The following SNTG1 variants were observed in gnomAD, a reference collection of about 807,000 sequenced individuals.
The protein encoded by SNTG1 is syntrophin gamma 1.
SNTG1 carries 39 observed loss-of-function variants against 74.7 expected under a neutral mutation model. The ratio of observed to expected loss-of-function variants is 0.52; its 90% confidence interval spans 0.40 to 0.68. The LOEUF (loss-of-function observed/expected upper bound fraction) is 0.68, where lower values mean the gene tolerates loss of function less well. Ranked by LOEUF, SNTG1 falls within the 30% of genes least tolerant of loss-of-function variation. The probability of loss-of-function intolerance (pLI) is 0.00; values close to 1 mark genes in which losing one functional copy is unlikely to be tolerated. For synonymous variants in SNTG1, 254 were observed against 217.1 expected (o/e 1.17, Z -1.49); for missense variants, 685 against 609.5 (o/e 1.12, Z -1.30).
rs1807446910 is a variant in SNTG1 at position 49,930,280 on chromosome 8, G to T, written c.-103+18049G>T. Among the ~76,000 whole-genome samples, 8 of 151,402 alleles carry T rather than the reference G, an allele frequency of 5.3e-5. No homozygotes were observed. In the South Asian group the frequency reaches 1.5e-3, roughly 28 times the overall value. ...AGGAATAGTAAAAAAAATCATTCTT[G>T]GTGCCTTTTTTACATTTATATCAGT... On this transcript the variant is annotated intron_variant, in intron 1 of 18. Coordinates refer to ENST00000642720, the MANE Select transcript of SNTG1 (RefSeq NM_018967.5).
intron 17 of SNTG1, among the ~76,000 whole-genome samples, chr8:50,737,772 C>T (rs575856699): frequency 6.1e-4 from 93 of 152,134 alleles, no homozygotes; most frequent in African/African-American, 2.1e-3. Flanking sequence ...AATCAATAAA[C>T]GTAATCCATC....
At chr8:50,693,029 C>T (rs777267109) in intron 15 of SNTG1, among the ~76,000 whole-genome samples, 4 of 152,258 alleles carry the variant, frequency 2.6e-5, no homozygotes, top group South Asian at 2.1e-4. Flanking sequence ...AGCAAGACTC[C>T]GTGGGCATAG....
intron 2 of SNTG1, among the ~76,000 whole-genome samples, chr8:50,273,712 G>A (rs550635373): frequency 1.3e-5 from 2 of 152,168 alleles, no homozygotes; most frequent in Non-Finnish European, 2.9e-5. Context: ...GTTAACAATG[G>A]TGGTGACGAA....
chr8:49,990,026 T>G (rs1813529696), intron 1 of SNTG1, among the ~76,000 whole-genome samples: 1 of 151,954 alleles, frequency 6.6e-6, no homozygotes, highest in South Asian at 2.1e-4. Flanking sequence ...ATCTTTCCTG[T>G]AAGATCAAGA....
chr8:50,031,235 A>G (rs1267866718), intron 1 of SNTG1, among the ~76,000 whole-genome samples: 1 of 151,950 alleles, frequency 6.6e-6, no homozygotes, highest in Non-Finnish European at 1.5e-5. Flanking sequence ...TTAGGTCCTT[A>G]AGCATACAAT....
intron 18 of SNTG1, among the ~76,000 whole-genome samples, chr8:50,783,778 G>A (rs547010196): frequency 3.3e-5 from 5 of 152,264 alleles, no homozygotes; most frequent in Admixed American, 6.5e-5. Context: ...AGAAATCACT[G>A]GTCTTCTGCG....
chr8:50,465,221 T>A (rs377020363), intron 8 of SNTG1, among the ~76,000 whole-genome samples: 3 of 152,282 alleles, frequency 2.0e-5, no homozygotes, highest in East Asian at 3.9e-4. Context: ...TTATATTATC[T>A]GTCATTCATT....
intron 2 of SNTG1, among the ~76,000 whole-genome samples, chr8:50,274,813 C>G (rs1013423775): frequency 3.0e-4 from 46 of 152,192 alleles, no homozygotes; most frequent in Non-Finnish European, 1.5e-5. Context: ...TATGATCATA[C>G]GATTTTATCT....
chr8:50,602,657 A>T (rs1313848069), intron 13 of SNTG1, among the ~76,000 whole-genome samples: 1 of 152,162 alleles, frequency 6.6e-6, no homozygotes, highest in East Asian at 1.9e-4. Flanking sequence ...TCATGTCGAC[A>T]AACTGCTTAT....
At chr8:50,450,776 A>G in intron 8 of SNTG1, 47 bp downstream of exon 8, 2 of 1,581,996 alleles carry the variant, frequency 1.3e-6, no homozygotes, top group Non-Finnish European at 1.7e-6. Context: ...ATGTGCAAAT[A>G]AGAATTTAGT....
intron 2 of SNTG1, among the ~76,000 whole-genome samples, chr8:50,230,782 C>A (rs1219520438): frequency 1.3e-5 from 2 of 150,620 alleles, no homozygotes; most frequent in Non-Finnish European, 3.0e-5. Flanking sequence ...TAAGACTGGA[C>A]ACTGTAAAAC....
At chr8:50,521,936 T>A (rs1026835102) in intron 9 of SNTG1, among the ~76,000 whole-genome samples, 5 of 152,066 alleles carry the variant, frequency 3.3e-5, no homozygotes, top group African/African-American at 1.2e-4. Context: ...CACCCATGAG[T>A]TGGCATCAAC....
intron 2 of SNTG1, among the ~76,000 whole-genome samples, chr8:50,359,467 T>C (rs931064944): frequency 3.3e-5 from 5 of 152,208 alleles, no homozygotes; most frequent in African/African-American, 1.2e-4. Flanking sequence ...TAAAACAATA[T>C]AACCCTGGCT....
At chr8:50,257,823 A>G (rs1448624208) in intron 2 of SNTG1, among the ~76,000 whole-genome samples, 2 of 152,234 alleles carry the variant, frequency 1.3e-5, no homozygotes, top group Admixed American at 6.5e-5. Flanking sequence ...TCCAAACTTA[A>G]TTGAATCAGA....
At chr8:50,330,870 G>A (rs1282938948) in intron 2 of SNTG1, among the ~76,000 whole-genome samples, 1 of 152,140 alleles carries the variant, frequency 6.6e-6, no homozygotes, top group Non-Finnish European at 1.5e-5. Flanking sequence ...GAACAGAATA[G>A]GAAAAACTGC....
chr8:50,072,695 C>T (rs908746186), intron 1 of SNTG1, among the ~76,000 whole-genome samples: 5 of 152,148 alleles, frequency 3.3e-5, no homozygotes, highest in African/African-American at 1.2e-4. Context: ...ATCTGATCAT[C>T]TCTAAAACTA....
At chr8:50,400,038 C>G (rs895865281) in intron 3 of SNTG1, among the ~76,000 whole-genome samples, 1 of 152,088 alleles carries the variant, frequency 6.6e-6, no homozygotes, top group Non-Finnish European at 1.5e-5. Context: ...GAGTGTGCAT[C>G]AGCACACGAG....
intron 12 of SNTG1, among the ~76,000 whole-genome samples, chr8:50,587,732 G>A (rs1403334443): frequency 6.6e-6 from 1 of 151,992 alleles, no homozygotes; most frequent in Admixed American, 6.6e-5. Context: ...GGGTGAGGCA[G>A]GAGAATCGCT....
At chr8:49,922,451 T>G (rs1806635609) in intron 1 of SNTG1, among the ~76,000 whole-genome samples, 1 of 152,098 alleles carries the variant, frequency 6.6e-6, no homozygotes, top group Non-Finnish European at 1.5e-5. Context: ...CCCTCACCAC[T>G]GATGAGGGCA....
Sources: gnomAD v4.1 joint callset for allele counts (sites outside exome capture counted in the v4.1 genomes callset) on GRCh38, gnomAD v4.1.1 for gene constraint, MANE v1.5 for transcripts, NCBI Gene and HGNC (gene_info 2026-07-23, HGNC 2026-07-21) for gene names.